The following CHD4 variants were observed in gnomAD, a reference collection of about 807,000 sequenced individuals.
CHD4 encodes the protein ATP-dependent chromatin remodeler CHD4.
A neutral mutation model predicts 235.5 loss-of-function variants in CHD4; 35 were observed. The ratio of observed to expected loss-of-function variants is 0.15; its 90% confidence interval spans 0.11 to 0.20. CHD4 has a LOEUF of 0.20. Ranked by LOEUF, CHD4 falls within the 10% of genes least tolerant of loss-of-function variation. CHD4 has a pLI of 1.00. For synonymous variants in CHD4, 900 were observed against 850.2 expected (o/e 1.06, Z -1.02); for missense variants, 1,329 against 2,432.3 (o/e 0.55, Z 9.54).
intron 2 of CHD4, among the ~76,000 whole-genome samples, chr12:6,605,465 G>C (rs916931379): frequency 6.6e-6 from 1 of 152,074 alleles, no homozygotes; most frequent in African/African-American, 2.4e-5. Flanking sequence ...ATACGGGTTT[G>C]GCCAGTTCAT....
chr12:6,594,640 T>C lies in CHD4; in HGVS notation c.2132A>G (p.Lys711Arg). 6.2e-7 allele frequency: 1 copy of C among 1,612,996 alleles called. No individual in the cohort carries two copies. The highest frequency in any genetic ancestry group is 8.5e-7 in the Non-Finnish European group (1 of 1,179,394). The part of the protein sequence containing the change: ...PETPTVDPTV[K>R]YERQPEYLDA... ...CAGGTACTCTGGCTGTCGCTCATAC[T>C]TCACTGTTGGCTGAAGGATGAAACA... The change falls in exon 15 of 40, where the codon AAG becomes AGG. Residue 711 changes from lysine (K) to arginine (R), a missense_variant. Transcript: ENST00000544040.
In CHD4 at chr12:6,571,041, G is replaced by A. The variant is rs780524514; in HGVS notation, c.5558-9C>T. ...TTCCAGCTGTTTCAGAACTGCATAG[G>A]GAGAAAAAGAGGTGGTGAGCTGTGG... On this transcript the variant is annotated splice_polypyrimidine_tract_variant and intron_variant, in intron 38 of 39. Coordinates refer to ENST00000544040, the MANE Select transcript of CHD4 (RefSeq NM_001273.5). 14 of 1,613,352 alleles carry A rather than the reference G, an allele frequency of 8.7e-6. No homozygotes were observed. In the African/African-American group the frequency reaches 1.5e-4, roughly 17 times the overall value.
At chr12:6,576,112 A>C (rs1948066406) in intron 37 of CHD4, among the ~76,000 whole-genome samples, 1 of 151,208 alleles carries the variant, frequency 6.6e-6, no homozygotes, top group Non-Finnish European at 1.5e-5. Context: ...TTATCTCAGC[A>C]CTTTGGGAGT....
At chr12:6,579,408 A>C in intron 33 of CHD4, 1 of 179,216 alleles carries the variant, frequency 5.6e-6, no homozygotes, top group South Asian at 1.1e-4. Context: ...AACATGGTGA[A>C]ACCCCATCTC....
chr12:6,591,609 T>C, intron 21 of CHD4, 26 bp from the exon 22 acceptor site: 3 of 1,613,900 alleles, frequency 1.9e-6, no homozygotes, highest in Non-Finnish European at 2.5e-6. Flanking sequence ...GGTTTAATTA[T>C]GGAAGAGTCA....
chr12:6,603,314 G>A (rs1213983939), intron 2 of CHD4, among the ~76,000 whole-genome samples: 1 of 152,074 alleles, frequency 6.6e-6, no homozygotes, highest in Non-Finnish European at 1.5e-5. Context: ...AGACCAGGAG[G>A]CAGCTTCCTT....
chr12:6,586,635 C>T (rs1948300062), intron 25 of CHD4, among the ~76,000 whole-genome samples: 1 of 151,952 alleles, frequency 6.6e-6, no homozygotes, highest in African/African-American at 2.4e-5. Flanking sequence ...TTTAAGGTTG[C>T]ACTCAGCTAT....
intron 6 of CHD4, 92 bp downstream of exon 6, chr12:6,601,193 TCCTA>T (rs765522797): frequency 1.7e-5 from 27 of 1,555,554 alleles, no homozygotes; most frequent in Non-Finnish European, 2.2e-5. Flanking sequence ...CCCTCCTATC[TCCTA>T]CCTTAGGGCT....
intron 22 of CHD4, among the ~76,000 whole-genome samples, chr12:6,589,224 A>C (rs1443965483): frequency 6.6e-6 from 1 of 152,160 alleles, no homozygotes; most frequent in Non-Finnish European, 1.5e-5. Flanking sequence ...CATTAGGCAA[A>C]CACCACAGTA....
At chr12:6,575,710 G>C (rs1948058759) in intron 37 of CHD4, among the ~76,000 whole-genome samples, 1 of 152,000 alleles carries the variant, frequency 6.6e-6, no homozygotes, top group African/African-American at 2.4e-5. Context: ...CAAACTTTCA[G>C]TGGCTGCCCA....
At chr12:6,580,715 A>AACAAAACAAAAC (rs1555164005) in intron 33 of CHD4, 19 of 226,982 alleles carry the variant, frequency 8.4e-5, no homozygotes, top group African/African-American at 3.5e-4. Context: ...AAAAAAAAAA[A>AACAAAACAAAAC]AAAAAAAAAA....
chr12:6,574,551 T>C (rs1948035730), intron 37 of CHD4, among the ~76,000 whole-genome samples: 2 of 152,176 alleles, frequency 1.3e-5, no homozygotes. Context: ...TAAGAGAAGA[T>C]TTCTCATACC....
chr12:6,582,797 A>T, intron 28 of CHD4, 49 bp from the exon 29 acceptor site: 1 of 1,614,082 alleles, frequency 6.2e-7, no homozygotes. Context: ...GCATTCCACC[A>T]AAGATGCAAT....
At chr12:6,596,389 C>A (rs1948495739) in intron 12 of CHD4, among the ~76,000 whole-genome samples, 1 of 152,166 alleles carries the variant, frequency 6.6e-6, no homozygotes, top group Non-Finnish European at 1.5e-5. Context: ...GTGGCTCACG[C>A]CTGTAATCCC....
At chr12:6,600,872 C>A in intron 7 of CHD4, 54 bp downstream of exon 7, 2 of 1,530,422 alleles carry the variant, frequency 1.3e-6, no homozygotes, top group Non-Finnish European at 8.8e-7. Context: ...TAGAAGGTCA[C>A]ATCCTTTCTA....
chr12:6,581,393 A>G lies in CHD4; in HGVS notation c.4682-5T>C. ...CCTCTATTTTTATCCCATCTTCTGC[A>G]GAACAATAAAAGACAATCAATTAGG... is the stretch of plus-strand genomic sequence containing the variant. On this transcript the variant is annotated splice_region_variant and splice_polypyrimidine_tract_variant and intron_variant, in intron 31 of 39. Coordinates refer to ENST00000544040, the MANE Select transcript of CHD4 (RefSeq NM_001273.5). 1 of 1,612,196 alleles carries G rather than the reference A, an allele frequency of 6.2e-7. No individual in the cohort carries two copies.
chr12:6,582,576 C>G (rs371206907), intron 29 of CHD4, 39 bp downstream of exon 29: 14 of 1,570,962 alleles, frequency 8.9e-6, no homozygotes, highest in Non-Finnish European at 1.2e-5. Context: ...ATAGCAGAAG[C>G]CCTTGCTCTA....
chr12:6,587,971 A>G, intron 23 of CHD4, 22 bp from the exon 24 acceptor site: 1 of 1,603,056 alleles, frequency 6.2e-7, no homozygotes, highest in Non-Finnish European at 8.5e-7. Context: ...CAGGAAATAA[A>G]GCCAGAAATT....
intron 2 of CHD4, among the ~76,000 whole-genome samples, chr12:6,604,251 G>A (rs1382172114): frequency 6.6e-6 from 1 of 152,210 alleles, no homozygotes; most frequent in Non-Finnish European, 1.5e-5. Flanking sequence ...TCCAACCTTG[G>A]CGACAGAGTG....
Sources: gnomAD v4.1 joint callset for allele counts (sites outside exome capture counted in the v4.1 genomes callset) on GRCh38, gnomAD v4.1.1 for gene constraint, MANE v1.5 for transcripts, NCBI Gene and HGNC (gene_info 2026-07-23, HGNC 2026-07-21) for gene names.